RAP1GDS1: variants seen among roughly 807,000 people sequenced by gnomAD.
The protein encoded by RAP1GDS1 is Rap1 GTPase-GDP dissociation stimulator 1, also known as RAP1, GTP-GDP dissociation stimulator 1.
In RAP1GDS1, 35 loss-of-function variants were observed where a neutral mutation model predicts 71.1. That is an observed-to-expected ratio of 0.49 (90% CI 0.38 to 0.65). RAP1GDS1 has a LOEUF of 0.65. Ranked by LOEUF, RAP1GDS1 falls within the 30% of genes least tolerant of loss-of-function variation. The pLI is 0.00. For missense variants in RAP1GDS1, 663 were observed against 706.1 expected, an observed-to-expected ratio of 0.94 and a Z score of 0.69; for synonymous variants, 229 against 243.1, an observed-to-expected ratio of 0.94 and a Z score of 0.54.
chr4:98,306,101 C>CT (rs1729283862), intron 2 of RAP1GDS1, among the ~76,000 whole-genome samples: 4 of 152,130 alleles, frequency 2.6e-5, no homozygotes, highest in Admixed American at 2.6e-4. Context: ...CTATAGCCAG[C>CT]TGTGGGAGTA....
chr4:98,348,406 G>C (rs1419545035), intron 3 of RAP1GDS1, among the ~76,000 whole-genome samples: 4 of 152,136 alleles, frequency 2.6e-5, no homozygotes, highest in Non-Finnish European at 5.9e-5. Context: ...TTGCTATTAT[G>C]AATAGTGCCA....
chr4:98,283,644 C>G (rs1439619040), intron 1 of RAP1GDS1, among the ~76,000 whole-genome samples: 1 of 152,046 alleles, frequency 6.6e-6, no homozygotes, highest in Non-Finnish European at 1.5e-5. Context: ...TTTTCAGCCC[C>G]TAATACAGCT....
chr4:98,391,624 C>A (rs1743677843), intron 5 of RAP1GDS1, among the ~76,000 whole-genome samples: 1 of 151,992 alleles, frequency 6.6e-6, no homozygotes, highest in Admixed American at 6.6e-5. Context: ...CACTCAAAAA[C>A]TAATGGTAAT....
chr4:98,437,667 C>G (rs1246220768), intron 14 of RAP1GDS1, among the ~76,000 whole-genome samples: 1 of 151,890 alleles, frequency 6.6e-6, no homozygotes, highest in Non-Finnish European at 1.5e-5. Flanking sequence ...GTGGCACACG[C>G]CTGTAGTCCC....
At chr4:98,407,890 A>G (rs77966077) in intron 7 of RAP1GDS1, among the ~76,000 whole-genome samples, 4,677 of 152,198 alleles carry the variant, frequency 0.031, 102 homozygotes, top group Middle Eastern at 0.058. Flanking sequence ...AAAATGGAAA[A>G]CATACAGTGC....
chr4:98,388,176 C>G (rs975609195), intron 5 of RAP1GDS1, among the ~76,000 whole-genome samples: 12 of 152,164 alleles, frequency 7.9e-5, no homozygotes, highest in Admixed American at 6.5e-4. Flanking sequence ...ATTGTAACAT[C>G]TACATAGTAA....
rs1735923822 is a variant in RAP1GDS1, at chr4:98,344,291, T to G, written c.235+1030T>G. Among the ~76,000 whole-genome samples, 5 of 152,158 alleles carry G rather than the reference T, an allele frequency of 3.3e-5. No homozygotes were observed. In the South Asian group the frequency reaches 1.0e-3, roughly 32 times the overall value. On this transcript the variant is annotated intron_variant, in intron 3 of 14. Coordinates refer to ENST00000408927, the MANE Select transcript of RAP1GDS1 (RefSeq NM_001100427.2). The stretch of plus-strand genomic sequence containing the variant: ...GCAGATCTAGTTTGAAAATGAATTC[T>G]TTCCAGACATTGCTTGTTAACCTGG...
chr4:98,285,857 A>G (rs1021654381), intron 1 of RAP1GDS1, among the ~76,000 whole-genome samples: 7 of 143,826 alleles, frequency 4.9e-5, no homozygotes, highest in African/African-American at 1.7e-4. Flanking sequence ...ATTTAAATAA[A>G]TAATAAATTT....
intron 1 of RAP1GDS1, among the ~76,000 whole-genome samples, chr4:98,287,210 C>T (rs1229145678): frequency 6.6e-6 from 1 of 151,910 alleles, no homozygotes; most frequent in Non-Finnish European, 1.5e-5. Context: ...AAGTAGGGTT[C>T]TATGTACCTA....
At chr4:98,369,311 C>T (rs1432937436) in intron 4 of RAP1GDS1, among the ~76,000 whole-genome samples, 2 of 152,114 alleles carry the variant, frequency 1.3e-5, no homozygotes, top group Non-Finnish European at 2.9e-5. Flanking sequence ...TTCAGTGGCT[C>T]ATCATTCTTT....
At chr4:98,308,268 A>T (rs1441692771) in intron 2 of RAP1GDS1, among the ~76,000 whole-genome samples, 5 of 139,784 alleles carry the variant, frequency 3.6e-5, no homozygotes, top group Non-Finnish European at 7.6e-5. Flanking sequence ...ATACACACAC[A>T]CCCACACACA....
chr4:98,392,650 G>A (rs1474742703), intron 6 of RAP1GDS1, among the ~76,000 whole-genome samples: 3 of 152,024 alleles, frequency 2.0e-5, no homozygotes, highest in Admixed American at 6.6e-5. Context: ...GCAGTGATCC[G>A]ACATCATGCC....
chr4:98,315,981 G>A (rs372989547), intron 2 of RAP1GDS1, among the ~76,000 whole-genome samples: 18 of 152,032 alleles, frequency 1.2e-4, no homozygotes, highest in Non-Finnish European at 5.9e-5. Flanking sequence ...AAGGGTGAAA[G>A]GATAACTGAA....
intron 2 of RAP1GDS1, among the ~76,000 whole-genome samples, chr4:98,320,735 A>G (rs1451284779): frequency 6.6e-5 from 10 of 151,498 alleles, no homozygotes; most frequent in Non-Finnish European, 1.0e-4. Flanking sequence ...GAAAACTAAC[A>G]AACAGAAAGG....
Position 98,418,021 on chromosome 4 carries a change from C to T in RAP1GDS1, c.1039+523C>T, listed in dbSNP as rs902479334. Among the ~76,000 whole-genome samples, 6 of 152,240 alleles carry T rather than the reference C, an allele frequency of 3.9e-5. No homozygotes were observed. The South Asian group carries it at 1.0e-3, about 26-fold the overall frequency. On this transcript the variant is annotated intron_variant, in intron 9 of 14. Transcript: ENST00000408927. The stretch of plus-strand genomic sequence containing the variant: ...AATACAGTCTAGAAACTCATTCTTA[C>T]GTTCCTCATGAAATATACCGTGTCT...
intron 14 of RAP1GDS1, among the ~76,000 whole-genome samples, chr4:98,437,649 C>G (rs932164588): frequency 6.6e-6 from 1 of 152,000 alleles, no homozygotes; most frequent in Non-Finnish European, 1.5e-5. Flanking sequence ...AAAAATTAGC[C>G]GGGAGTGGTG....
intron 5 of RAP1GDS1, 29 bp from the exon 6 acceptor site, chr4:98,391,923 C>A: frequency 6.5e-7 from 1 of 1,545,584 alleles, no homozygotes; most frequent in South Asian, 1.3e-5. Flanking sequence ...ACTTTCTTTT[C>A]TGTTGTTGTT....
intron 14 of RAP1GDS1, chr4:98,441,342 A>C (rs1483191799): frequency 2.0e-6 from 2 of 984,218 alleles, no homozygotes; most frequent in Non-Finnish European, 2.4e-6. Flanking sequence ...AAAGCAAGTC[A>C]GAAAGAAGAG....
At chr4:98,379,580 ACT>A (rs1327749371) in intron 5 of RAP1GDS1, 3 of 151,896 alleles carry the variant, frequency 2.0e-5, no homozygotes, top group African/African-American at 7.3e-5. Context: ...ATTTTTTAAA[ACT>A]CTAATAAAAT....
Sources: gnomAD v4.1 joint callset for allele counts (sites outside exome capture counted in the v4.1 genomes callset) on GRCh38, gnomAD v4.1.1 for gene constraint, MANE v1.5 for transcripts, NCBI Gene and HGNC (gene_info 2026-07-23, HGNC 2026-07-21) for gene names.